Variants in FARP1 observed in about 807,000 individuals in gnomAD.
FARP1 encodes the protein FERM, ARH/RhoGEF and pleckstrin domain protein 1.
Under a neutral mutation model 128.8 loss-of-function variants are expected in FARP1, and 52 were observed. The observed-to-expected ratio is 0.40, with a 90% CI of 0.32 to 0.51. The LOEUF is 0.51. Among genes scored for constraint, FARP1 ranks in the 20% least tolerant of loss-of-function variants. FARP1 has a pLI of 0.45. For synonymous variants in FARP1, 580 were observed against 551.8 expected (o/e 1.05, Z -0.72); for missense variants, 1,333 against 1,367.9 (o/e 0.97, Z 0.40).
chr13:98,433,145 A>T (rs920203305), intron 18 of FARP1: 2 of 152,252 alleles, frequency 1.3e-5, no homozygotes, highest in African/African-American at 4.8e-5. Context: ...AGGCTGCGAC[A>T]GAAAGCAGCG....
intron 11 of FARP1, among the ~76,000 whole-genome samples, chr13:98,391,705 C>T (rs1890312910): frequency 6.6e-6 from 1 of 152,134 alleles, no homozygotes; most frequent in Non-Finnish European, 1.5e-5. Context: ...GAGGTCAGTG[C>T]TCTTTTATTC....
chr13:98,330,581 C>T (rs1282842584), intron 2 of FARP1, among the ~76,000 whole-genome samples: 1 of 151,898 alleles, frequency 6.6e-6, no homozygotes, highest in Admixed American at 6.6e-5. Context: ...ATGGTGAAAC[C>T]CCGTCTCTAC....
Position 98,312,439 on chromosome 13 carries a change from A to G in FARP1, c.172-31323A>G, listed in dbSNP as rs1886516749. Among the ~76,000 whole-genome samples the G allele has an allele frequency of 2.6e-5, 4 of 152,294 alleles. No homozygotes were observed. The South Asian group carries it at 8.3e-4, about 32-fold the overall frequency. Reference sequence around the variant, plus strand: ...CAGGCGTGAGACACTGCGCCCAGCCAGTAAATGCTATTTTTAAGGTGGTCA... The same window carrying G: ...CAGGCGTGAGACACTGCGCCCAGCCGGTAAATGCTATTTTTAAGGTGGTCA... On this transcript the variant is annotated intron_variant, in intron 2 of 26. Coordinates refer to ENST00000319562, the MANE Select transcript of FARP1 (RefSeq NM_005766.4).
chr13:98,245,625 G>A (rs1460399701), intron 2 of FARP1, among the ~76,000 whole-genome samples: 3 of 152,118 alleles, frequency 2.0e-5, no homozygotes, highest in African/African-American at 7.2e-5. Flanking sequence ...TAATACAAGA[G>A]GAATCTTTTT....
At chr13:98,262,537 A>C (rs1883932899) in intron 2 of FARP1, among the ~76,000 whole-genome samples, 1 of 152,204 alleles carries the variant, frequency 6.6e-6, no homozygotes, top group Non-Finnish European at 1.5e-5. Flanking sequence ...CTGGCAGTTA[A>C]AATGGACAGA....
At chr13:98,301,592 A>G (rs1204282780) in intron 2 of FARP1, among the ~76,000 whole-genome samples, 1 of 152,160 alleles carries the variant, frequency 6.6e-6, no homozygotes, top group Non-Finnish European at 1.5e-5. Flanking sequence ...TGGATTGTTG[A>G]AAGCTCAGCG....
At chr13:98,349,600 G>A (rs998577421) in intron 3 of FARP1, among the ~76,000 whole-genome samples, 1 of 148,458 alleles carries the variant, frequency 6.7e-6, no homozygotes. Flanking sequence ...GAACCCAGGA[G>A]GCGGAGGATG....
intron 1 of FARP1, among the ~76,000 whole-genome samples, chr13:98,159,031 G>C (rs1177941979): frequency 6.6e-6 from 1 of 152,144 alleles, no homozygotes; most frequent in Non-Finnish European, 1.5e-5. Context: ...TATCTTCAAG[G>C]TAGAGAAATC....
At chr13:98,417,657 C>A (rs1432038999) in intron 16 of FARP1, among the ~76,000 whole-genome samples, 2 of 151,924 alleles carry the variant, frequency 1.3e-5, no homozygotes, top group Non-Finnish European at 2.9e-5. Context: ...ATTGGAGATC[C>A]CTCCAGGGCA....
intron 2 of FARP1, among the ~76,000 whole-genome samples, chr13:98,304,847 C>G (rs1179852170): frequency 6.6e-6 from 1 of 152,160 alleles, no homozygotes; most frequent in East Asian, 1.9e-4. Flanking sequence ...TATCTGTCAG[C>G]CATTGGAACA....
chr13:98,169,407 C>T (rs939566397), intron 1 of FARP1, among the ~76,000 whole-genome samples: 1 of 152,210 alleles, frequency 6.6e-6, no homozygotes, highest in African/African-American at 2.4e-5. Flanking sequence ...AAAGAAGCTA[C>T]ATTTCTTTTG....
intron 1 of FARP1, among the ~76,000 whole-genome samples, chr13:98,187,623 C>A (rs1478631011): frequency 2.0e-5 from 3 of 152,118 alleles, no homozygotes; most frequent in Non-Finnish European, 4.4e-5. Context: ...TATTCAACTT[C>A]GTAGGTGATG....
chr13:98,179,134 G>A (rs1878321842), intron 1 of FARP1, among the ~76,000 whole-genome samples: 1 of 152,184 alleles, frequency 6.6e-6, no homozygotes, highest in Non-Finnish European at 1.5e-5. Flanking sequence ...AAGGCTTAAT[G>A]GACTTACATT....
At chr13:98,298,537 C>A (rs2139690313) in intron 2 of FARP1, among the ~76,000 whole-genome samples, 1 of 152,222 alleles carries the variant, frequency 6.6e-6, no homozygotes, top group South Asian at 2.1e-4. Flanking sequence ...ATTTTTTTCC[C>A]CTTACCTGTG....
At position 98,168,184 on chromosome 13, in the gene FARP1, T is replaced by A. The variant is rs554154664; in HGVS notation, c.-24+24692T>A. 4.7e-3 allele frequency among the ~76,000 whole-genome samples: 664 copies of A among 142,146 alleles called. 4 individuals carry two copies. Among genetic ancestry groups the A allele is most frequent in the East Asian group, 0.027 (132 of 4,872 alleles). 93.3% of individuals were successfully genotyped at this position (142,146 alleles called of 152,430 possible). Reference sequence around the variant, plus strand: ...GAGACTCCATCTCAAAAAAAAAAAATAAAATAAATAAATAAAAAAGTTTTG... The same window carrying A: ...GAGACTCCATCTCAAAAAAAAAAAAAAAAATAAATAAATAAAAAAGTTTTG... On this transcript the variant is annotated intron_variant, in intron 1 of 26. Coordinates refer to ENST00000319562, the MANE Select transcript of FARP1 (RefSeq NM_005766.4).
intron 2 of FARP1, among the ~76,000 whole-genome samples, chr13:98,317,980 C>CTCCT (rs113880454): frequency 0.21 from 30,182 of 146,842 alleles, 3,452 homozygotes; most frequent in Non-Finnish European, 0.25. Context: ...TCCTTCCTCT[C>CTCCT]TCCTTCCTCT....
At chr13:98,264,799 GTAA>G (rs1223839499) in intron 2 of FARP1, among the ~76,000 whole-genome samples, 1 of 152,046 alleles carries the variant, frequency 6.6e-6, no homozygotes, top group Non-Finnish European at 1.5e-5. Flanking sequence ...CTATTCAATA[GTAA>G]TAATAAGAAT....
chr13:98,270,021 C>T (rs1303821212), intron 2 of FARP1, among the ~76,000 whole-genome samples: 1 of 152,208 alleles, frequency 6.6e-6, no homozygotes, highest in East Asian at 1.9e-4. Flanking sequence ...CAGAGAATCA[C>T]TTGAACCTGA....
At chr13:98,324,332 G>T (rs1177675967) in intron 2 of FARP1, among the ~76,000 whole-genome samples, 1 of 152,176 alleles carries the variant, frequency 6.6e-6, no homozygotes, top group African/African-American at 2.4e-5. Flanking sequence ...TTGGCAGTAT[G>T]GAAAAGCGAA....
Sources: allele counts gnomAD v4.1 joint callset (sites outside exome capture counted in the v4.1 genomes callset), GRCh38; gene constraint gnomAD v4.1.1; transcripts MANE v1.5; gene names NCBI Gene and HGNC (gene_info 2026-07-23, HGNC 2026-07-21).